Variants in RABGAP1L observed in about 807,000 individuals in gnomAD.
The protein encoded by RABGAP1L is RAB GTPase activating protein 1 like.
In RABGAP1L, 63 loss-of-function variants were observed where a neutral mutation model predicts 137.7. The ratio of observed to expected loss-of-function variants is 0.46; its 90% CI spans 0.37 to 0.56. The LOEUF (loss-of-function observed/expected upper bound fraction) is 0.56. RABGAP1L is among the 20% of genes least tolerant of loss of function. The pLI is 0.00. For synonymous variants in RABGAP1L, 431 were observed against 433.7 expected (o/e 0.99, Z 0.08); for missense variants, 1,095 against 1,244.0 (o/e 0.88, Z 1.80).
intron 13 of RABGAP1L, among the ~76,000 whole-genome samples, chr1:174,487,232 A>G (rs1457159571): frequency 1.3e-5 from 2 of 152,142 alleles, no homozygotes; most frequent in Non-Finnish European, 2.9e-5. Context: ...TGAAGTCTCC[A>G]GCTGTTACTC....
intron 13 of RABGAP1L, among the ~76,000 whole-genome samples, chr1:174,587,971 C>G (rs1410672606): frequency 6.6e-6 from 1 of 152,164 alleles, no homozygotes; most frequent in Non-Finnish European, 1.5e-5. Context: ...TCAAGTGATT[C>G]TTCTGCCTCA....
chr1:174,442,227 T>C (rs1185175715), intron 13 of RABGAP1L, among the ~76,000 whole-genome samples: 4 of 139,822 alleles, frequency 2.9e-5, no homozygotes, highest in Admixed American at 7.0e-5. Flanking sequence ...TTATTTTAAA[T>C]ATTTATTTTT....
intron 10 of RABGAP1L, among the ~76,000 whole-genome samples, chr1:174,295,216 C>CTTT (rs1186475150): frequency 7.3e-6 from 1 of 136,916 alleles, no homozygotes. Flanking sequence ...TGCGCCCGGA[C>CTTT]TTTTTTTTTT....
chr1:174,178,521 A>G (rs1571392347), intron 1 of RABGAP1L, among the ~76,000 whole-genome samples: 1 of 152,242 alleles, frequency 6.6e-6, no homozygotes, highest in East Asian at 1.9e-4. Context: ...TGCCATAAAG[A>G]CAGATGCACA....
At position 174,448,980 on chromosome 1, in the gene RABGAP1L, C is replaced by T. The variant is rs1247787809; in HGVS notation, c.1710+54835C>T. ...ATAATTTACTTTCTTCTAGAAAGCT[C>T]CCGGGTCTTGGACAATCCAACTCTG... On this transcript the variant is annotated intron_variant, in intron 13 of 25. Transcript: ENST00000681986. This position sits in a 1 kb window ranked among gnomAD's most constrained non-coding sequence, Gnocchi z 4.2. 1 of 1,613,480 alleles carries T rather than the reference C, an allele frequency of 6.2e-7. No homozygotes were observed. Among genetic ancestry groups the T allele is most frequent in the Non-Finnish European group, 8.5e-7 (1 of 1,179,436 alleles).
intron 13 of RABGAP1L, among the ~76,000 whole-genome samples, chr1:174,576,621 C>A (rs552766311): frequency 6.6e-6 from 1 of 152,222 alleles, no homozygotes; most frequent in East Asian, 1.9e-4. Context: ...CAGGGGGTCT[C>A]CCTACATATA....
At chr1:174,578,097 T>C (rs554854813) in intron 13 of RABGAP1L, among the ~76,000 whole-genome samples, 1 of 152,350 alleles carries the variant, frequency 6.6e-6, no homozygotes, top group East Asian at 1.9e-4. Context: ...TAAAAAGTAG[T>C]GCATATGTGC....
intron 11 of RABGAP1L, among the ~76,000 whole-genome samples, chr1:174,318,116 C>T (rs547773282): frequency 3.3e-5 from 5 of 150,800 alleles, no homozygotes; most frequent in South Asian, 2.1e-4. Flanking sequence ...TATGAGTGTT[C>T]GCTTGATTTT....
intron 19 of RABGAP1L, among the ~76,000 whole-genome samples, chr1:174,940,219 AT>A (rs1424087736): frequency 6.6e-6 from 1 of 150,516 alleles, no homozygotes; most frequent in Non-Finnish European, 1.5e-5. Context: ...AACTTCCTAA[AT>A]GTCCTTTCAA....
intron 18 of RABGAP1L, among the ~76,000 whole-genome samples, chr1:174,754,365 A>G (rs1470702636): frequency 6.6e-6 from 1 of 152,240 alleles, no homozygotes; most frequent in Non-Finnish European, 1.5e-5. Flanking sequence ...ATACGCAAAC[A>G]TATATGACAG....
At chr1:174,401,105 T>C (rs1245225572) in intron 13 of RABGAP1L, among the ~76,000 whole-genome samples, 1 of 152,024 alleles carries the variant, frequency 6.6e-6, no homozygotes, top group Non-Finnish European at 1.5e-5. Context: ...AGCTGTTATA[T>C]GTAAATCCGT....
intron 13 of RABGAP1L, among the ~76,000 whole-genome samples, chr1:174,611,125 T>C (rs1314353406): frequency 5.4e-5 from 8 of 148,952 alleles, no homozygotes; most frequent in Non-Finnish European, 1.2e-4. Flanking sequence ...CATGAAGTCC[T>C]TGCCCATGCC....
At chr1:174,677,762 C>CT (rs1204625311) in intron 14 of RABGAP1L, among the ~76,000 whole-genome samples, 1 of 152,142 alleles carries the variant, frequency 6.6e-6, no homozygotes, top group African/African-American at 2.4e-5. Flanking sequence ...TTATCAGTAT[C>CT]TTTAAAAGGT....
chr1:174,724,983 A>G (rs1298793132), intron 17 of RABGAP1L, among the ~76,000 whole-genome samples: 2 of 152,210 alleles, frequency 1.3e-5, no homozygotes, highest in Non-Finnish European at 2.9e-5. Flanking sequence ...CTAGAACACA[A>G]GAGCAGTTGG....
intron 13 of RABGAP1L, among the ~76,000 whole-genome samples, chr1:174,633,638 A>G (rs1223146678): frequency 1.2e-4 from 14 of 115,846 alleles, no homozygotes; most frequent in African/African-American, 3.1e-4. Context: ...AAACTATACT[A>G]CAAGGCTACA....
chr1:174,801,016 A>G (rs1470172481), intron 18 of RABGAP1L, among the ~76,000 whole-genome samples: 2 of 152,192 alleles, frequency 1.3e-5, no homozygotes, highest in African/African-American at 2.4e-5. Flanking sequence ...CTCTCCTAGA[A>G]TGATTGAACT....
chr1:174,463,684 CAT>C (rs760540075), intron 13 of RABGAP1L, among the ~76,000 whole-genome samples: 21 of 151,950 alleles, frequency 1.4e-4, no homozygotes, highest in South Asian at 1.2e-3. Context: ...AAAAAGAAGA[CAT>C]ATGTGTGGCC....
intron 10 of RABGAP1L, among the ~76,000 whole-genome samples, chr1:174,294,363 G>A (rs1676905751): frequency 6.6e-6 from 1 of 152,098 alleles, no homozygotes; most frequent in African/African-American, 2.4e-5. Context: ...AGCAAAGAAG[G>A]GGATTTCAGT....
intron 20 of RABGAP1L, chr1:174,965,069 A>G: frequency 1.0e-6 from 1 of 989,020 alleles, no homozygotes; most frequent in African/African-American, 1.7e-5. Context: ...CCCAAAAGTT[A>G]CTAACCAAAC....
Sources: allele counts gnomAD v4.1 joint callset (sites outside exome capture counted in the v4.1 genomes callset), GRCh38; gene constraint gnomAD v4.1.1; non-coding constraint Gnocchi (gnomAD v3.1); transcripts MANE v1.5; gene names NCBI Gene and HGNC (gene_info 2026-07-23, HGNC 2026-07-21).